ANAPC1: variants seen among roughly 807,000 people sequenced by gnomAD.
The protein encoded by ANAPC1 is anaphase promoting complex subunit 1, also known as anaphase-promoting complex subunit 1.
A neutral mutation model predicts 208.0 loss-of-function variants in ANAPC1; 36 were observed. The ratio of observed to expected loss-of-function variants is 0.17; its 90% CI spans 0.13 to 0.23. ANAPC1 has a LOEUF of 0.23. ANAPC1 is among the 10% of genes least tolerant of loss of function. The pLI is 1.00. For synonymous variants in ANAPC1, 378 were observed against 695.2 expected (o/e 0.54, Z 7.18); for missense variants, 942 against 2,011.6 (o/e 0.47, Z 10.17).
intron 28 of ANAPC1, among the ~76,000 whole-genome samples, chr2:111,813,461 G>A (rs1165039426): frequency 6.6e-6 from 1 of 151,302 alleles, no homozygotes; most frequent in East Asian, 2.0e-4. Flanking sequence ...CAGATGTTTG[G>A]GCAATTCAGG....
chr2:111,846,976 G>A (rs1681124733), intron 16 of ANAPC1, among the ~76,000 whole-genome samples, 162 bp downstream of exon 16: 1 of 152,144 alleles, frequency 6.6e-6, no homozygotes, highest in Non-Finnish European at 1.5e-5. Context: ...AGCGCACGTA[G>A]AGTGGACATC....
At chr2:111,878,266 C>G (rs936023213) in intron 3 of ANAPC1, among the ~76,000 whole-genome samples, 1 of 152,224 alleles carries the variant, frequency 6.6e-6, no homozygotes, top group Non-Finnish European at 1.5e-5. Flanking sequence ...AGCTAGCATT[C>G]TTCTCTAAGT....
chr2:111,869,432 A>T (rs148096824), intron 6 of ANAPC1, among the ~76,000 whole-genome samples: 1,944 of 152,176 alleles, frequency 0.013, 31 homozygotes, highest in East Asian at 0.057. Flanking sequence ...TTTAGTAGAG[A>T]CAGGGTTTCG....
chr2:111,794,205 G>T (rs777024610), intron 36 of ANAPC1, 28 bp downstream of exon 36: 8 of 1,570,570 alleles, frequency 5.1e-6, no homozygotes, highest in African/African-American at 1.4e-5. Flanking sequence ...CAAAAAAAAA[G>T]AACACAGTAA....
At chr2:111,864,736 T>C in intron 8 of ANAPC1, 70 bp downstream of exon 8, 3 of 1,601,620 alleles carry the variant, frequency 1.9e-6, no homozygotes, top group Non-Finnish European at 2.6e-6. Context: ...ATGCTAGGAT[T>C]ACAGGTGTGA....
At position 111,767,909 on chromosome 2, in the gene ANAPC1, CAG is replaced by C. The variant is rs1218576714; in HGVS notation, c.*1380_*1381del. The C allele has an allele frequency of 5.9e-5, 9 of 152,342 alleles. No homozygotes were observed. The highest frequency in any genetic ancestry group is 5.8e-4 in the East Asian group (3 of 5,190). The allele number at this position is 152,342 out of a possible 1,614,324, so 9.4% of individuals were successfully genotyped here. On this transcript the variant is annotated 3_prime_UTR_variant, in exon 48 of 48. Coordinates refer to ENST00000341068, the MANE Select transcript of ANAPC1 (RefSeq NM_022662.4). ...CGGGGCAGCCACGCAAATGCAAGGA[CAG>C]AGAGTCCAGAGAATACCACTTGGCC...
chr2:111,790,625 T>C (rs1283403938), intron 38 of ANAPC1, among the ~76,000 whole-genome samples: 2 of 152,018 alleles, frequency 1.3e-5, no homozygotes, highest in Non-Finnish European at 1.5e-5. Context: ...GAAGATAAGA[T>C]AGGAGAATAT....
intron 33 of ANAPC1, 113 bp downstream of exon 33, chr2:111,802,315 A>G: frequency 1.2e-6 from 1 of 809,580 alleles, no homozygotes; most frequent in Non-Finnish European, 2.1e-6. Flanking sequence ...CTCCTGCCTC[A>G]ACCTTCTGAA....
chr2:111,881,611 C>T (rs1210607876), intron 1 of ANAPC1, among the ~76,000 whole-genome samples: 4 of 152,128 alleles, frequency 2.6e-5, no homozygotes, highest in African/African-American at 9.7e-5. Context: ...CTGTTAAAGC[C>T]TTCATCACAA....
At position 111,844,234 on chromosome 2, in the gene ANAPC1, G is replaced by T. The variant is rs563455374; in HGVS notation, c.1853-635C>A. 3.6e-4 allele frequency among the ~76,000 whole-genome samples: 54 copies of T among 152,094 alleles called. No individual in the cohort carries two copies. The South Asian group carries it at 7.5e-3, about 21-fold the overall frequency. On this transcript the variant is annotated intron_variant, in intron 16 of 47. Transcript: ENST00000341068. ...ATTGCCCAGCAATTACTAACTGCTCGCCTTCACTCTTAAAGATGTTCTAGC... is the reference window on the plus strand; with the variant it reads ...ATTGCCCAGCAATTACTAACTGCTCTCCTTCACTCTTAAAGATGTTCTAGC...
Position 111,847,171 on chromosome 2 carries a change from T to C in ANAPC1, c.1819A>G (p.Ile607Val). ...GAGGTGGCAATTTCAGGAATAGTGA[T>C]CCTAACCATGGAGCCATTACTCAGT... The part of the protein sequence containing the change: ...LELSNGSMVR[I>V]TIPEIATSEL... Residue 607 changes from isoleucine (I) to valine (V), a missense_variant, in exon 16 of 48, where the codon ATC becomes GTC. Physicochemically the swap from Ile to Val is conservative, Grantham distance 29. Transcript: ENST00000341068. 2 of 1,610,924 alleles carry C rather than the reference T, an allele frequency of 1.2e-6. No individual in the cohort carries two copies. The highest frequency in any genetic ancestry group is 2.2e-5 in the South Asian group (2 of 90,838).
At chr2:111,838,988 CCT>C (rs1680621234) in intron 17 of ANAPC1, among the ~76,000 whole-genome samples, 1 of 152,144 alleles carries the variant, frequency 6.6e-6, no homozygotes, top group East Asian at 1.9e-4. Flanking sequence ...TCTTTTTTCT[CCT>C]CTTTCTCCTG....
At position 111,868,048 on chromosome 2, in the gene ANAPC1, T is replaced by C. The variant is rs765501802; in HGVS notation, c.660A>G (p.Ile220Met). ...TTCCAGATTTACAAACAAGTGGAGTTATTTCATCTAGTGGGTGCAGCATGC... is the reference window on the plus strand; with the variant it reads ...TTCCAGATTTACAAACAAGTGGAGTCATTTCATCTAGTGGGTGCAGCATGC... Reference protein sequence around the residue: ...MFSMLHPLDEITPLVCKSGSL... With the variant: ...MFSMLHPLDEMTPLVCKSGSL... The change falls in exon 7 of 48, where the codon ATA becomes ATG. Residue 220 changes from isoleucine (I) to methionine (M), a missense_variant. Physicochemically the swap from Ile to Met is conservative, Grantham distance 10. Transcript: ENST00000341068. 5.0e-6 allele frequency: 8 copies of C among 1,594,856 alleles called. No individual in the cohort carries two copies. In the South Asian group the frequency reaches 8.2e-5, roughly 16 times the overall value.
intron 6 of ANAPC1, 49 bp downstream of exon 6, chr2:111,872,577 CACAA>C (rs894826368): frequency 1.4e-6 from 2 of 1,471,602 alleles, no homozygotes; most frequent in Non-Finnish European, 1.9e-6. Flanking sequence ...TCAGAACCAA[CACAA>C]ACACACAAAT....
intron 29 of ANAPC1, among the ~76,000 whole-genome samples, chr2:111,807,705 T>G (rs1356774583): frequency 6.6e-6 from 1 of 151,594 alleles, no homozygotes; most frequent in African/African-American, 2.4e-5. Flanking sequence ...AAAAAAAAAT[T>G]TTTAATGTAC....
chr2:111,792,631 T>G, intron 37 of ANAPC1, 76 bp from the exon 38 acceptor site: 1 of 1,324,028 alleles, frequency 7.6e-7, no homozygotes, highest in Non-Finnish European at 1.0e-6. Flanking sequence ...TTAGCCATCA[T>G]TAGAAGACTA....
At chr2:111,856,942 A>G (rs1401516883) in intron 11 of ANAPC1, 56 bp from the exon 12 acceptor site, 1 of 1,340,388 alleles carries the variant, frequency 7.5e-7, no homozygotes, top group Non-Finnish European at 1.1e-6. Flanking sequence ...TATGGGTATT[A>G]AAAGTATTAT....
chr2:111,830,829 GAC>G (rs1437426752), intron 21 of ANAPC1, among the ~76,000 whole-genome samples: 4 of 152,194 alleles, frequency 2.6e-5, no homozygotes, highest in Non-Finnish European at 5.9e-5. Context: ...GAAAACAGAT[GAC>G]AGTTTCTTTA....
chr2:111,768,294 T>C lies in ANAPC1; in HGVS notation c.*997A>G, dbSNP rs1236668853. The C allele has an allele frequency of 6.6e-6, 1 of 152,162 alleles. No homozygotes were observed. Among genetic ancestry groups the C allele is most frequent in the Admixed American group, 6.5e-5 (1 of 15,272 alleles). The allele number at this position is 152,162 out of a possible 1,614,324, so 9.4% of individuals were successfully genotyped here. On this transcript the variant is annotated 3_prime_UTR_variant, in exon 48 of 48. Coordinates refer to ENST00000341068, the MANE Select transcript of ANAPC1 (RefSeq NM_022662.4). ...ATACATTCTGTAAATCTTAGGTAAA[T>C]ATGGATTGTCTTGTTTTTAAATACA...
Sources: allele counts gnomAD v4.1 joint callset (sites outside exome capture counted in the v4.1 genomes callset), GRCh38; gene constraint gnomAD v4.1.1; transcripts MANE v1.5; gene names NCBI Gene and HGNC (gene_info 2026-07-23, HGNC 2026-07-21).